Variants in CELF2 observed in about 807,000 individuals in gnomAD.
CELF2 encodes the protein CUG triplet repeat RNA-binding protein 2.
Under a neutral mutation model 62.6 loss-of-function variants are expected in CELF2, and 8 were observed. The ratio of observed to expected loss-of-function variants is 0.13; its 90% CI spans 0.07 to 0.23. The LOEUF (loss-of-function observed/expected upper bound fraction) is 0.23, where lower values mean the gene tolerates loss of function less well. Among genes scored for constraint, CELF2 ranks in the 10% least tolerant of loss-of-function variants. The pLI is 1.00. For missense variants in CELF2, 333 were observed against 671.0 expected, an observed-to-expected ratio of 0.50 and a Z score of 5.56; for synonymous variants, 258 against 250.0, an observed-to-expected ratio of 1.03 and a Z score of -0.30.
chr10:10,914,552 T>G (rs2064148098), intron 1 of CELF2, among the ~76,000 whole-genome samples: 1 of 152,148 alleles, frequency 6.6e-6, no homozygotes, highest in Non-Finnish European at 1.5e-5. Context: ...TTTTCGGGAT[T>G]TTTTTCCTTC....
the CELF2 span, among the ~76,000 whole-genome samples, chr10:10,499,169 C>T: frequency 2.0e-5 from 3 of 151,292 alleles, no homozygotes; most frequent in Non-Finnish European, 2.9e-5. Context: ...TGGGTTCAAG[C>T]GATTCTTGTG....
At position 10,957,527 on chromosome 10, in the gene CELF2, C is replaced by T. The variant is rs188134780; in HGVS notation, c.89+37528C>T. Among the ~76,000 whole-genome samples, 3 of 152,270 alleles carry T rather than the reference C, an allele frequency of 2.0e-5. No individual in the cohort carries two copies. The highest frequency in any genetic ancestry group is 2.9e-5 in the Non-Finnish European group (2 of 68,016). ...TCAGACCACCAGGCATTTGTTCCAT[C>T]GATTGCTTCAGTCTTTCTTTCTCCC... On this transcript the variant is annotated intron_variant, in intron 2 of 13. Coordinates refer to the CELF2 transcript ENST00000636488. This position sits in a 1 kb window ranked among gnomAD's most constrained non-coding sequence, Gnocchi z 4.1.
intron 3 of CELF2, among the ~76,000 whole-genome samples, chr10:11,231,617 C>T (rs2068677084): frequency 6.7e-6 from 1 of 148,814 alleles, no homozygotes; most frequent in African/African-American, 2.5e-5. Flanking sequence ...GTCCATTTTG[C>T]TCATTGCAAC....
chr10:10,713,254 G>A, the CELF2 span, among the ~76,000 whole-genome samples: 1 of 152,236 alleles, frequency 6.6e-6, no homozygotes, highest in Non-Finnish European at 1.5e-5. Flanking sequence ...TACTCATAAT[G>A]TCTATTCCTG....
chr10:11,248,124 A>T (rs2076160775), intron 3 of CELF2, among the ~76,000 whole-genome samples: 1 of 152,194 alleles, frequency 6.6e-6, no homozygotes, highest in African/African-American at 2.4e-5. Flanking sequence ...TAATGAAAGC[A>T]TTTGCGCAGC....
At chr10:10,768,817 A>C in the CELF2 span, among the ~76,000 whole-genome samples, 1 of 151,832 alleles carries the variant, frequency 6.6e-6, no homozygotes, top group African/African-American at 2.4e-5. Context: ...CAAGTGATCC[A>C]CCCACCTCGG....
chr10:11,002,668 C>T (rs138641546), upstream of CELF2, among the ~76,000 whole-genome samples: 1 of 152,206 alleles, frequency 6.6e-6, no homozygotes, highest in East Asian at 1.9e-4. This position sits in a 1 kb window ranked among gnomAD's most constrained non-coding sequence, Gnocchi z 4.4. Context: ...GGTGCCTGCC[C>T]ACTATGTTGT....
At chr10:10,878,483 C>A (rs1033322848) in intron 1 of CELF2, among the ~76,000 whole-genome samples, 2 of 152,222 alleles carry the variant, frequency 1.3e-5, no homozygotes, top group African/African-American at 4.8e-5. Context: ...TGTCTGCTCA[C>A]TTCCTCAAGC....
At chr10:11,155,994 G>T (rs1450112619) in intron 1 of CELF2, among the ~76,000 whole-genome samples, 1 of 152,198 alleles carries the variant, frequency 6.6e-6, no homozygotes, top group Admixed American at 6.5e-5. Flanking sequence ...CAGATAATCA[G>T]CATTTAACAG....
chr10:11,211,813 AGTGTGTGTGTGTGTGTGT>A lies in CELF2; in HGVS notation c.272-5587_272-5570del, dbSNP rs869213973. ...GTGTGAGAGAGAGAGAGAGAGAGAGAGTGTGTGTGTGTGTGTGTGTGTGTGTGTGTGTGTGTGTGTGTA... is the reference window on the plus strand; with the variant it reads ...GTGTGAGAGAGAGAGAGAGAGAGAGAGTGTGTGTGTGTGTGTGTGTGTGTA... On this transcript the variant is annotated intron_variant, in intron 2 of 12. Transcript: ENST00000633077. This position sits in a 1 kb window ranked among gnomAD's most constrained non-coding sequence, Gnocchi z 4.8. 1.1e-5 allele frequency among the ~76,000 whole-genome samples: 1 copy of A among 89,256 alleles called. No individual in the cohort carries two copies. Among genetic ancestry groups the A allele is most frequent in the East Asian group, 2.6e-4 (1 of 3,816 alleles). The allele number at this position is 89,256 out of a possible 152,430, so 58.6% of individuals were successfully genotyped here.
the CELF2 span, among the ~76,000 whole-genome samples, chr10:10,464,739 T>C: frequency 1.3e-5 from 2 of 152,214 alleles, no homozygotes; most frequent in Non-Finnish European, 2.9e-5. Context: ...TCATTTGAAC[T>C]AGTAATCAGT....
intron 1 of CELF2, among the ~76,000 whole-genome samples, chr10:11,059,550 C>T (rs1009738362): frequency 2.0e-5 from 3 of 152,140 alleles, no homozygotes; most frequent in Admixed American, 1.3e-4. Context: ...GAAAACATAT[C>T]CCATGTGACT....
At chr10:10,564,049 T>C in the CELF2 span, among the ~76,000 whole-genome samples, 4 of 152,214 alleles carry the variant, frequency 2.6e-5, no homozygotes, top group Non-Finnish European at 5.9e-5. Context: ...TATAACATGT[T>C]AGGTTATTTT....
At position 11,329,130 on chromosome 10, in the gene CELF2, G is replaced by A; in HGVS notation, c.*77G>A. ...CCACGAGCCAGCCTGTCTCAACAGG[G>A]AAGGCAGAGGAGGACCACATTGCCA... On this transcript the variant is annotated 3_prime_UTR_variant, in exon 13 of 13. Transcript: ENST00000633077. This position sits in a 1 kb window ranked among gnomAD's most constrained non-coding sequence, Gnocchi z 5.5. 1 of 1,448,696 alleles carries A rather than the reference G, an allele frequency of 6.9e-7. No homozygotes were observed. Among genetic ancestry groups the A allele is most frequent in the Non-Finnish European group, 9.3e-7 (1 of 1,080,280 alleles). The allele number at this position is 1,448,696 out of a possible 1,614,324, so 89.7% of individuals were successfully genotyped here.
chr10:10,733,432 T>C, the CELF2 span, among the ~76,000 whole-genome samples: 1 of 149,024 alleles, frequency 6.7e-6, no homozygotes, highest in South Asian at 2.1e-4. Flanking sequence ...CCGGAGGAGG[T>C]AGTGAAAAAA....
intron 2 of CELF2, among the ~76,000 whole-genome samples, chr10:11,166,317 T>C (rs1006424065): frequency 6.6e-6 from 1 of 152,144 alleles, no homozygotes; most frequent in African/African-American, 2.4e-5. Flanking sequence ...TACGCCCTTA[T>C]CAGTGTGGAG....
chr10:10,470,161 T>C, the CELF2 span, among the ~76,000 whole-genome samples: 1 of 151,880 alleles, frequency 6.6e-6, no homozygotes, highest in African/African-American at 2.4e-5. Flanking sequence ...AGATAAGGGA[T>C]ACTCAACCTT....
intron 1 of CELF2, among the ~76,000 whole-genome samples, chr10:10,849,831 A>G (rs1368770759): frequency 4.7e-5 from 7 of 147,498 alleles, no homozygotes; most frequent in Non-Finnish European, 7.5e-5. Flanking sequence ...GATATACACA[A>G]GCAATTGCTT....
the CELF2 span, among the ~76,000 whole-genome samples, chr10:10,547,812 T>A: frequency 1.3e-5 from 2 of 152,006 alleles, no homozygotes; most frequent in African/African-American, 4.8e-5. Flanking sequence ...CTGGTTTTTA[T>A]TCTCTAGCTT....
Sources: gnomAD v4.1 joint callset for allele counts (sites outside exome capture counted in the v4.1 genomes callset) on GRCh38, gnomAD v4.1.1 for gene constraint, Gnocchi (gnomAD v3.1) non-coding constraint, MANE v1.5 for transcripts, NCBI Gene and HGNC (gene_info 2026-07-23, HGNC 2026-07-21) for gene names.